The following PACRG variants were observed in gnomAD, a reference collection of about 807,000 sequenced individuals.
PACRG encodes parkin coregulated gene protein.
A neutral mutation model predicts 29.7 loss-of-function variants in PACRG; 29 were observed. The observed-to-expected ratio is 0.98, with a 90% CI of 0.73 to 1.33. PACRG has a LOEUF of 1.33. Among genes scored for constraint, PACRG ranks in the 40% most tolerant of loss-of-function variants. The pLI is 0.00. For missense variants in PACRG, 279 were observed against 316.2 expected, an observed-to-expected ratio of 0.88 and a Z score of 0.89; for synonymous variants, 116 against 118.7, an observed-to-expected ratio of 0.98 and a Z score of 0.15.
At chr6:163,100,251 C>T (rs1275277428) in intron 4 of PACRG, among the ~76,000 whole-genome samples, 1 of 152,136 alleles carries the variant, frequency 6.6e-6, no homozygotes, top group Admixed American at 6.5e-5. Flanking sequence ...CTGGGCCCTT[C>T]TAGATTCCCA....
At chr6:163,213,673 AT>A (rs1174070691) in intron 4 of PACRG, among the ~76,000 whole-genome samples, 2 of 151,926 alleles carry the variant, frequency 1.3e-5, no homozygotes, top group Admixed American at 1.3e-4. Context: ...TGTTTTGGTT[AT>A]TTTTTTCTCA....
chr6:162,882,601 G>T (rs1230474166), intron 2 of PACRG, among the ~76,000 whole-genome samples: 1 of 152,152 alleles, frequency 6.6e-6, no homozygotes, highest in Non-Finnish European at 1.5e-5. Flanking sequence ...AGTGAACAAA[G>T]CTCACCTCCT....
At chr6:163,010,982 G>T (rs768629214) in intron 2 of PACRG, among the ~76,000 whole-genome samples, 132 of 152,290 alleles carry the variant, frequency 8.7e-4, no homozygotes, top group Non-Finnish European at 1.6e-3. Flanking sequence ...CGGCCCAGAG[G>T]AGCAGAGGAA....
chr6:163,245,178 C>T, intron 4 of PACRG: 1 of 346,694 alleles, frequency 2.9e-6, no homozygotes, highest in Non-Finnish European at 5.8e-6. Context: ...AGTTGTTTTT[C>T]CCCTAGGATG....
At chr6:162,930,086 G>A (rs1797737092) in intron 2 of PACRG, among the ~76,000 whole-genome samples, 1 of 151,646 alleles carries the variant, frequency 6.6e-6, no homozygotes, top group African/African-American at 2.4e-5. Flanking sequence ...GGTCTTTCAT[G>A]ATTCCATATA....
intron 4 of PACRG, among the ~76,000 whole-genome samples, chr6:163,269,228 T>C (rs1783646018): frequency 6.6e-6 from 1 of 152,186 alleles, no homozygotes; most frequent in African/African-American, 2.4e-5. Flanking sequence ...ATCCAGCACC[T>C]GGTAACACAT....
intron 4 of PACRG, among the ~76,000 whole-genome samples, chr6:163,234,976 T>A (rs952894277): frequency 6.6e-6 from 1 of 152,140 alleles, no homozygotes; most frequent in African/African-American, 2.4e-5. Context: ...GACAGAGACT[T>A]GCTAGTTTTA....
At chr6:163,234,022 G>A (rs2128164840) in intron 4 of PACRG, among the ~76,000 whole-genome samples, 1 of 152,270 alleles carries the variant, frequency 6.6e-6, no homozygotes, top group East Asian at 1.9e-4. Context: ...AGAGTGTTCA[G>A]GTCTTGGGGG....
intron 2 of PACRG, chr6:162,957,283 T>C: frequency 1.8e-6 from 1 of 550,038 alleles, no homozygotes; most frequent in South Asian, 1.8e-5. Flanking sequence ...AATGATTTTC[T>C]GCTCCTCGAT....
intron 2 of PACRG, among the ~76,000 whole-genome samples, chr6:162,845,315 C>G (rs977904396): frequency 6.6e-6 from 1 of 152,058 alleles, no homozygotes; most frequent in African/African-American, 2.4e-5. Flanking sequence ...ACTCACATGT[C>G]CAAACCGTGA....
intron 4 of PACRG, among the ~76,000 whole-genome samples, chr6:163,281,679 A>T (rs4475303): frequency 0.35 from 53,362 of 151,986 alleles, 9,640 homozygotes; most frequent in Non-Finnish European, 0.39. Context: ...TAAACATCTT[A>T]TATTCAATAA....
At chr6:162,987,997 A>G (rs533919865) in intron 2 of PACRG, among the ~76,000 whole-genome samples, 1 of 152,318 alleles carries the variant, frequency 6.6e-6, no homozygotes, top group East Asian at 1.9e-4. Context: ...GCCTCCACCC[A>G]GGTGGTGGCA....
intron 4 of PACRG, among the ~76,000 whole-genome samples, chr6:163,098,256 C>T (rs1814777735): frequency 6.6e-6 from 1 of 152,160 alleles, no homozygotes; most frequent in Admixed American, 6.5e-5. Flanking sequence ...AACTGGCACT[C>T]ATGCCCCCTG....
At chr6:163,030,591 T>G (rs1006490607) in intron 2 of PACRG, among the ~76,000 whole-genome samples, 1 of 152,190 alleles carries the variant, frequency 6.6e-6, no homozygotes, top group Non-Finnish European at 1.5e-5. Context: ...GAGTCCACAG[T>G]GCAAAACAAA....
intron 4 of PACRG, chr6:163,191,630 T>C (rs763876567): frequency 1.5e-5 from 7 of 456,088 alleles, no homozygotes; most frequent in African/African-American, 1.0e-4. Flanking sequence ...TCAGGCACTG[T>C]GGCTGCACTC....
chr6:162,877,557 A>G (rs1793470497), intron 2 of PACRG, among the ~76,000 whole-genome samples: 1 of 152,184 alleles, frequency 6.6e-6, no homozygotes, highest in African/African-American at 2.4e-5. Context: ...CACGTTCTGC[A>G]CATGTATCCC....
intron 4 of PACRG, chr6:163,179,195 C>T (rs1425259702): frequency 2.2e-6 from 1 of 455,988 alleles, no homozygotes; most frequent in Non-Finnish European, 4.4e-6. Flanking sequence ...CTGCTCCTCA[C>T]ATGTGCGTCT....
intron 1 of PACRG, among the ~76,000 whole-genome samples, chr6:162,756,074 T>C (rs776417624): frequency 2.6e-5 from 4 of 152,208 alleles, no homozygotes; most frequent in Non-Finnish European, 4.4e-5. Context: ...ACATGGTCTA[T>C]CCTGAAGAAT....
intron 2 of PACRG, among the ~76,000 whole-genome samples, chr6:162,894,816 G>T (rs1795043295): frequency 1.3e-5 from 2 of 152,300 alleles, no homozygotes; most frequent in Admixed American, 6.5e-5. Flanking sequence ...CATTTTCATT[G>T]AAACAGAATC....
Sources: allele counts gnomAD v4.1 joint callset (sites outside exome capture counted in the v4.1 genomes callset), GRCh38; gene constraint gnomAD v4.1.1; transcripts MANE v1.5; gene names NCBI Gene and HGNC (gene_info 2026-07-23, HGNC 2026-07-21).